METTL8: variants seen among roughly 807,000 people sequenced by gnomAD.
METTL8 encodes methyltransferase 8, tRNA N3-cytidine.
Under a neutral mutation model 48.7 loss-of-function variants are expected in METTL8, and 32 were observed. The observed-to-expected ratio is 0.66, with a 90% CI of 0.50 to 0.88. METTL8 has a LOEUF of 0.88. Among genes scored for constraint, METTL8 ranks in the 40% least tolerant of loss-of-function variants. The probability of loss-of-function intolerance (pLI) is 0.00; values close to 1 mark genes in which losing one functional copy is unlikely to be tolerated. For synonymous variants in METTL8, 136 were observed against 157.1 expected (o/e 0.87, Z 1.01); for missense variants, 464 against 474.4 (o/e 0.98, Z 0.20).
Position 171,330,579 on chromosome 2 carries a change from G to C in METTL8, c.840C>G (p.Leu280=). Residue 280 remains leucine (L), a synonymous_variant, in exon 7 of 10, where the codon CTC becomes CTG. Transcript: ENST00000375258. ...TTTACCTGTCAGGATGAATAGAAGA[G>C]AGCACAAAGACAAGGAGAATGACAT... The part of the protein sequence containing the change: ...ILDVILLVFV[L]SSIHPDRMQG... The C allele has an allele frequency of 6.2e-7, 1 of 1,613,864 alleles. No individual in the cohort carries two copies. Among genetic ancestry groups the C allele is most frequent in the Non-Finnish European group, 8.5e-7 (1 of 1,179,902 alleles).
At chr2:171,402,191 G>T (rs1689714585) in intron 1 of METTL8, among the ~76,000 whole-genome samples, 1 of 152,082 alleles carries the variant, frequency 6.6e-6, no homozygotes, top group African/African-American at 2.4e-5. Context: ...GGAATTTCAG[G>T]CAGGAGGATT....
chr2:171,333,696 T>C (rs1290412104), intron 5 of METTL8, among the ~76,000 whole-genome samples: 1 of 152,188 alleles, frequency 6.6e-6, no homozygotes, highest in Non-Finnish European at 1.5e-5. Flanking sequence ...GTGTTTGAAA[T>C]GTATTTGAAA....
chr2:171,403,246 T>A lies in METTL8; in HGVS notation c.-12-11049A>T, dbSNP rs571100730. Among the ~76,000 whole-genome samples, 6 of 152,272 alleles carry A rather than the reference T, an allele frequency of 3.9e-5. No homozygotes were observed. In the East Asian group the frequency reaches 9.6e-4, roughly 24 times the overall value. On this transcript the variant is annotated intron_variant, in intron 1 of 9. Transcript: ENST00000375258. Reference sequence around the variant, plus strand: ...ACTTCCTCAGCCAGGTGATCAAGGTTAACACGAACAGTGATAGTGCTGATA... The same window carrying A: ...ACTTCCTCAGCCAGGTGATCAAGGTAAACACGAACAGTGATAGTGCTGATA...
intron 1 of METTL8, among the ~76,000 whole-genome samples, chr2:171,394,852 T>C (rs1407289115): frequency 6.6e-6 from 1 of 152,250 alleles, no homozygotes; most frequent in Non-Finnish European, 1.5e-5. Context: ...TCTAATTGGA[T>C]GGAAGTTACT....
At chr2:171,349,892 G>C (rs1400694096) in intron 3 of METTL8, among the ~76,000 whole-genome samples, 1 of 151,962 alleles carries the variant, frequency 6.6e-6, no homozygotes, top group Non-Finnish European at 1.5e-5. Flanking sequence ...AATATTTTCA[G>C]AGTACATGTG....
chr2:171,412,518 C>A (rs552836078), intron 1 of METTL8, among the ~76,000 whole-genome samples: 7 of 152,232 alleles, frequency 4.6e-5, no homozygotes, highest in East Asian at 3.9e-4. Context: ...ACCCTACCCC[C>A]CTTTAGGCAG....
rs1000880722 is a variant in METTL8, at chr2:171,316,811, C to G, written c.*7361G>C. ...AAATTTCTTTCTTGTTTCAATGCAGCATGTGATACTGGCAATTTCAGCCAT... is the reference window on the plus strand; with the variant it reads ...AAATTTCTTTCTTGTTTCAATGCAGGATGTGATACTGGCAATTTCAGCCAT... On this transcript the variant is annotated 3_prime_UTR_variant, in exon 10 of 10. Coordinates refer to ENST00000375258, the MANE Select transcript of METTL8 (RefSeq NM_001321154.2). Among the ~76,000 whole-genome samples the G allele has an allele frequency of 2.0e-5, 3 of 152,302 alleles. No individual in the cohort carries two copies. The highest frequency in any genetic ancestry group is 4.4e-5 in the Non-Finnish European group (3 of 68,024).
At chr2:171,398,976 A>G (rs1689385732) in intron 1 of METTL8, among the ~76,000 whole-genome samples, 1 of 152,164 alleles carries the variant, frequency 6.6e-6, no homozygotes, top group Admixed American at 6.6e-5. Context: ...AGTTTTTTAA[A>G]ATTTACTATG....
chr2:171,386,677 G>A (rs1688082207), intron 2 of METTL8, among the ~76,000 whole-genome samples: 1 of 152,002 alleles, frequency 6.6e-6, no homozygotes, highest in Non-Finnish European at 1.5e-5. Flanking sequence ...ATACAGAAGC[G>A]GGGAAGGGAA....
In METTL8 at chr2:171,388,984, C is replaced by T. The variant is rs182616216; in HGVS notation, c.143+3059G>A. On this transcript the variant is annotated intron_variant, in intron 2 of 9. Transcript: ENST00000375258. ...GGCTTTCCCTGTCTATTTCCCTCTC[C>T]TCAGGTTCCCCTACTCCCTGAGACA... Among the ~76,000 whole-genome samples the T allele has an allele frequency of 1.5e-4, 23 of 152,234 alleles. No individual in the cohort carries two copies. The East Asian group carries it at 3.9e-3, about 26-fold the overall frequency.
chr2:171,364,216 A>T (rs1227994036), intron 2 of METTL8, among the ~76,000 whole-genome samples: 1 of 152,198 alleles, frequency 6.6e-6, no homozygotes, highest in African/African-American at 2.4e-5. Context: ...AATAGGAGTA[A>T]GAACAAACTA....
At chr2:171,331,424 CTT>C (rs34718824) in intron 6 of METTL8, among the ~76,000 whole-genome samples, 8 of 132,068 alleles carry the variant, frequency 6.1e-5, no homozygotes, top group Admixed American at 7.9e-5. Flanking sequence ...GGCCTTTCAT[CTT>C]TTTTTTTTTT....
Position 171,323,262 on chromosome 2 carries a change from C to T in METTL8, c.*910G>A, listed in dbSNP as rs569466567. 12 of 100,842 alleles carry T rather than the reference C, an allele frequency of 1.2e-4. No individual in the cohort carries two copies. The Admixed American group carries it at 1.8e-3, about 16-fold the overall frequency. 6.2% of individuals were successfully genotyped at this position (100,842 alleles called of 1,614,324 possible). ...TTTTTTTTTTTTTTGGAGACAAGGT[C>T]TCACCATGTCACCCAGTTTGGAGCG... is the stretch of plus-strand genomic sequence containing the variant. On this transcript the variant is annotated 3_prime_UTR_variant, in exon 10 of 10. Coordinates refer to ENST00000375258, the MANE Select transcript of METTL8 (RefSeq NM_001321154.2).
chr2:171,343,857 C>T (rs1056109831), intron 3 of METTL8, among the ~76,000 whole-genome samples: 1 of 152,114 alleles, frequency 6.6e-6, no homozygotes, highest in Non-Finnish European at 1.5e-5. Context: ...GATCAGATTG[C>T]CGTTTTAAAC....
At chr2:171,396,463 A>C (rs1409819609) in intron 1 of METTL8, among the ~76,000 whole-genome samples, 1 of 152,088 alleles carries the variant, frequency 6.6e-6, no homozygotes, top group Non-Finnish European at 1.5e-5. Context: ...CAGCCCTACC[A>C]ATTGTCTAAT....
chr2:171,350,394 G>C (rs1167766665), intron 3 of METTL8, among the ~76,000 whole-genome samples: 1 of 152,114 alleles, frequency 6.6e-6, no homozygotes. Context: ...CTAAGTCTTT[G>C]CTACTGTGAA....
Position 171,325,843 on chromosome 2 carries a change from T to C in METTL8, c.1031A>G (p.Lys344Arg). Residue 344 changes from lysine (K) to arginine (R), a missense_variant and splice_region_variant, in exon 9 of 10, where the codon AAA becomes AGA. Coordinates refer to ENST00000375258, the MANE Select transcript of METTL8 (RefSeq NM_001321154.2). ...TTTCCTTTTGTAGATTAGCATACCT[T>C]TTGTAAAGAAATATGCTCTGGTACC... ...GDGTRAYFFT[K>R]GEVHSMFCKA... 2 of 1,564,524 alleles carry C rather than the reference T, an allele frequency of 1.3e-6. No individual in the cohort carries two copies. Among genetic ancestry groups the C allele is most frequent in the African/African-American group, 2.7e-5 (2 of 73,684 alleles).
chr2:171,375,177 C>A, intron 2 of METTL8: 2 of 1,469,830 alleles, frequency 1.4e-6, no homozygotes, highest in Admixed American at 3.3e-5. Context: ...TCTTAATGGC[C>A]TTGTCCTTGG....
chr2:171,353,204 T>G (rs1684143983), intron 3 of METTL8, among the ~76,000 whole-genome samples: 1 of 152,238 alleles, frequency 6.6e-6, no homozygotes, highest in South Asian at 2.1e-4. Flanking sequence ...ACATCTTTAT[T>G]TCTGCCTTCA....
Sources: allele counts gnomAD v4.1 joint callset (sites outside exome capture counted in the v4.1 genomes callset), GRCh38; gene constraint gnomAD v4.1.1; transcripts MANE v1.5; gene names NCBI Gene and HGNC (gene_info 2026-07-23, HGNC 2026-07-21).